Variants in ATXN7L1 observed in about 807,000 individuals in gnomAD.
ATXN7L1 encodes the protein ataxin 7 like 1.
ATXN7L1 carries 15 observed loss-of-function variants against 70.8 expected under a neutral mutation model. The observed-to-expected ratio is 0.21, with a 90% CI of 0.14 to 0.33. The LOEUF (loss-of-function observed/expected upper bound fraction) is 0.33, where lower values mean the gene tolerates loss of function less well. Ranked by LOEUF, ATXN7L1 falls within the 10% of genes least tolerant of loss-of-function variation. The pLI is 1.00. For missense variants in ATXN7L1, 975 were observed against 1,097.1 expected, an observed-to-expected ratio of 0.89 and a Z score of 1.57; for synonymous variants, 440 against 445.1, an observed-to-expected ratio of 0.99 and a Z score of 0.14.
chr7:105,767,416 G>A (rs372326107), intron 3 of ATXN7L1, among the ~76,000 whole-genome samples: 24 of 152,088 alleles, frequency 1.6e-4, no homozygotes, highest in African/African-American at 5.1e-4. Flanking sequence ...CCCGCCATGC[G>A]TCCTCTCTGG....
At chr7:105,787,120 G>A (rs1295790414) in intron 3 of ATXN7L1, among the ~76,000 whole-genome samples, 4 of 152,162 alleles carry the variant, frequency 2.6e-5, no homozygotes, top group African/African-American at 9.7e-5. Flanking sequence ...AGGCAGTGGA[G>A]AGGGTCATTT....
At chr7:105,636,456 AC>A (rs1562931580) in intron 7 of ATXN7L1, among the ~76,000 whole-genome samples, 1 of 86,338 alleles carries the variant, frequency 1.2e-5, no homozygotes, top group Non-Finnish European at 2.6e-5. Context: ...TGCCCCCCCC[AC>A]CCCCACTTCT....
rs142916007 is a variant in ATXN7L1, at chr7:105,714,875, G to C, written c.356-49587C>G. Among the ~76,000 whole-genome samples, 103 of 152,228 alleles carry C rather than the reference G, an allele frequency of 6.8e-4. 1 individual carries two copies. In the East Asian group the frequency reaches 0.019, roughly 28 times the overall value. On this transcript the variant is annotated intron_variant, in intron 3 of 11. Transcript: ENST00000419735. ...ACGGGGGTTTCCACCATGTTGGCCA[G>C]GCTGATCTTGAACTCCTGACCTCAG...
chr7:105,868,374 C>T lies in ATXN7L1; in HGVS notation c.250+7438G>A, dbSNP rs560048970. 7.2e-5 allele frequency among the ~76,000 whole-genome samples: 11 copies of T among 152,256 alleles called. No homozygotes were observed. The South Asian group carries it at 1.0e-3, about 14-fold the overall frequency. On this transcript the variant is annotated intron_variant, in intron 2 of 11. Coordinates refer to ENST00000419735, the MANE Select transcript of ATXN7L1 (RefSeq NM_020725.2). ...CCTGGTGTCTAGCCCAGTTCTGGCACGTCAGGAGAGCTCCCTCCAGGTCAA... is the reference window on the plus strand; with the variant it reads ...CCTGGTGTCTAGCCCAGTTCTGGCATGTCAGGAGAGCTCCCTCCAGGTCAA...
At chr7:105,728,987 C>T (rs546461004) in intron 3 of ATXN7L1, among the ~76,000 whole-genome samples, 1 of 152,140 alleles carries the variant, frequency 6.6e-6, no homozygotes, top group South Asian at 2.1e-4. Context: ...AAATGGGCCA[C>T]GCGTGGTAGC....
intron 2 of ATXN7L1, among the ~76,000 whole-genome samples, chr7:105,791,409 G>A (rs1805215124): frequency 6.6e-6 from 1 of 152,188 alleles, no homozygotes; most frequent in South Asian, 2.1e-4. Context: ...TGTGGGAAGA[G>A]AGGCTGAGAC....
At chr7:105,668,894 ACTCT>A (rs1803071870) in intron 3 of ATXN7L1, among the ~76,000 whole-genome samples, 1 of 151,556 alleles carries the variant, frequency 6.6e-6, no homozygotes, top group African/African-American at 2.4e-5. Context: ...ACAGAGCAAG[ACTCT>A]CTCTGAAAAC....
rs2116230641 is a variant in ATXN7L1 at position 105,699,624 on chromosome 7, A to G, written c.356-34336T>C. Among the ~76,000 whole-genome samples the G allele has an allele frequency of 2.0e-5, 3 of 152,314 alleles. No homozygotes were observed. In the Middle Eastern group the frequency reaches 0.01, roughly 518 times the overall value. On this transcript the variant is annotated intron_variant, in intron 3 of 11. Transcript: ENST00000419735. ...ATTTTACAGTGCAACCTAGTATTGCAGATATGTAGATGAGACACAAGTTCC... is the reference window on the plus strand; with the variant it reads ...ATTTTACAGTGCAACCTAGTATTGCGGATATGTAGATGAGACACAAGTTCC...
intron 3 of ATXN7L1, among the ~76,000 whole-genome samples, chr7:105,718,784 G>A (rs1332318093): frequency 6.6e-6 from 1 of 152,224 alleles, no homozygotes; most frequent in Non-Finnish European, 1.5e-5. Flanking sequence ...GCCAAGGCCT[G>A]GGTCCAGGCT....
At chr7:105,770,013 T>C (rs754197946) in intron 3 of ATXN7L1, among the ~76,000 whole-genome samples, 1 of 152,246 alleles carries the variant, frequency 6.6e-6, no homozygotes, top group Non-Finnish European at 1.5e-5. Flanking sequence ...TTTGGAATTG[T>C]TACAAGTGCT....
intron 3 of ATXN7L1, among the ~76,000 whole-genome samples, chr7:105,747,701 A>C (rs1262266636): frequency 6.6e-6 from 1 of 152,168 alleles, no homozygotes; most frequent in Non-Finnish European, 1.5e-5. Flanking sequence ...CCCTCACCCT[A>C]TGGGATCTGA....
chr7:105,669,757 TAAAAA>T (rs954010070), intron 3 of ATXN7L1, among the ~76,000 whole-genome samples: 64 of 151,856 alleles, frequency 4.2e-4, no homozygotes, highest in African/African-American at 1.5e-3. Context: ...CTGTCTCTAC[TAAAAA>T]TACAAAATTA....
chr7:105,738,878 T>A (rs978816200), intron 3 of ATXN7L1, among the ~76,000 whole-genome samples: 3 of 152,100 alleles, frequency 2.0e-5, no homozygotes, highest in Non-Finnish European at 4.4e-5. Flanking sequence ...TAAGCCAGAG[T>A]TGGTCATGGA....
intron 2 of ATXN7L1, among the ~76,000 whole-genome samples, chr7:105,824,971 T>C (rs1340652545): frequency 6.7e-6 from 1 of 149,904 alleles, no homozygotes; most frequent in Non-Finnish European, 1.5e-5. Flanking sequence ...CTCCATGGCA[T>C]ATTATTAAGT....
intron 2 of ATXN7L1, among the ~76,000 whole-genome samples, chr7:105,792,370 C>T (rs917975785): frequency 5.3e-5 from 8 of 152,232 alleles, no homozygotes; most frequent in Non-Finnish European, 8.8e-5. Context: ...GTCCTGAGGG[C>T]CCTGCCGATG....
At chr7:105,640,025 TGACTCCA>T (rs1797942975) in intron 5 of ATXN7L1, among the ~76,000 whole-genome samples, 1 of 152,224 alleles carries the variant, frequency 6.6e-6, no homozygotes, top group Non-Finnish European at 1.5e-5. Flanking sequence ...ACAGACACCC[TGACTCCA>T]GCTCCTGCCT....
At chr7:105,825,620 G>GTTTTTTTTTTTTTTTTTTTTTTTTT (rs1276590419) in intron 2 of ATXN7L1, among the ~76,000 whole-genome samples, 1 of 151,508 alleles carries the variant, frequency 6.6e-6, no homozygotes, top group Non-Finnish European at 1.5e-5. Context: ...CAATAAGCAT[G>GTTTTTTTTTTTTTTTTTTTTTTTTT]TTTTTAAGAC....
chr7:105,761,223 T>C (rs1381696163), intron 3 of ATXN7L1: 2 of 1,464,780 alleles, frequency 1.4e-6, no homozygotes, highest in East Asian at 2.5e-5. Context: ...TACTAGATCC[T>C]GACACCAGAG....
chr7:105,875,783 A>G (rs1394042219), intron 2 of ATXN7L1, 29 bp downstream of exon 2: 1 of 1,588,372 alleles, frequency 6.3e-7, no homozygotes, highest in Non-Finnish European at 8.6e-7. Context: ...CACACATGCT[A>G]ACACTAAAAT....
Sources: allele counts gnomAD v4.1 joint callset (sites outside exome capture counted in the v4.1 genomes callset), GRCh38; gene constraint gnomAD v4.1.1; transcripts MANE v1.5; gene names NCBI Gene and HGNC (gene_info 2026-07-23, HGNC 2026-07-21).